The following ATP8B2 variants were observed in gnomAD, a reference collection of about 807,000 sequenced individuals.
ATP8B2 encodes the protein phospholipid-transporting ATPase ID.
In ATP8B2, 70 loss-of-function variants were observed where a neutral mutation model predicts 133.4. That is an observed-to-expected ratio of 0.52 (90% CI 0.43 to 0.64). The LOEUF (loss-of-function observed/expected upper bound fraction) is 0.64. Among genes scored for constraint, ATP8B2 ranks in the 30% least tolerant of loss-of-function variants. ATP8B2 has a pLI of 0.00. For synonymous variants in ATP8B2, 517 were observed against 589.5 expected (o/e 0.88, Z 1.78); for missense variants, 1,101 against 1,535.7 (o/e 0.72, Z 4.73).
chr1:154,330,577 C>G, intron 3 of ATP8B2, 123 bp downstream of exon 3: 1 of 980,878 alleles, frequency 1.0e-6, no homozygotes, highest in Non-Finnish European at 1.6e-6. Context: ...AAGCAACCTC[C>G]TCAGCCACTC....
Position 154,334,510 on chromosome 1 carries a change from C to T in ATP8B2, c.756C>T (p.Asp252=). The T allele has an allele frequency of 6.2e-7, 1 of 1,614,094 alleles. No individual in the cohort carries two copies. Among genetic ancestry groups the T allele is most frequent in the Non-Finnish European group, 8.5e-7 (1 of 1,180,018 alleles). Residue 252 remains aspartate, a synonymous_variant, in exon 11 of 28, where the codon GAC becomes GAT. Transcript: ENST00000368489. The surrounding 1 kb of genome is among the most constrained non-coding windows in gnomAD (Gnocchi z 4.6). ...CFGLVIFAGP[D]TKLMQNSGRT... is the part of the protein sequence containing the mutation. ...CTTCCCATTCTTTTCCAGGTCCCGA[C>T]ACTAAGCTGATGCAAAACAGCGGCA...
intron 1 of ATP8B2, among the ~76,000 whole-genome samples, chr1:154,326,660 A>G (rs1245537707): frequency 6.6e-6 from 1 of 152,188 alleles, no homozygotes; most frequent in East Asian, 1.9e-4. Flanking sequence ...TCAGAGGTAG[A>G]ACAACTTTCC....
chr1:154,329,178 C>A, intron 2 of ATP8B2: 1 of 1,064,600 alleles, frequency 9.4e-7, no homozygotes, highest in Admixed American at 3.7e-5. Flanking sequence ...CCTTGATCCT[C>A]TTTCCAGACC....
Position 154,346,657 on chromosome 1 carries a change from ACTT to A in ATP8B2, c.3067_3069del (p.Phe1023del). The A allele has an allele frequency of 6.2e-7, 1 of 1,614,106 alleles. No homozygotes were observed. Among genetic ancestry groups the A allele is most frequent in the Non-Finnish European group, 8.5e-7 (1 of 1,180,024 alleles). The stretch of plus-strand genomic sequence containing the variant: ...ACAGGCTACTGGACGGCCATCAACC[ACTT>A]CTTCATCTGGGGAAGCCTTGCTGTT... On this transcript the variant is annotated inframe_deletion, in exon 26 of 28. Transcript: ENST00000368489. This position sits in a 1 kb window ranked among gnomAD's most constrained non-coding sequence, Gnocchi z 4.5.
rs1686467160 is a variant in ATP8B2, at chr1:154,343,692, A to G, written c.1758+124A>G. 2 of 1,028,922 alleles carry G rather than the reference A, an allele frequency of 1.9e-6. No individual in the cohort carries two copies. Among genetic ancestry groups the G allele is most frequent in the Non-Finnish European group, 2.9e-6 (2 of 695,268 alleles). 63.7% of individuals were successfully genotyped at this position (1,028,922 alleles called of 1,614,324 possible). Reference sequence around the variant, plus strand: ...ACGTGATGTTTTGATGTGTATATATAGTGAAGTGATTACTACAGTCAGACA... The same window carrying G: ...ACGTGATGTTTTGATGTGTATATATGGTGAAGTGATTACTACAGTCAGACA... On this transcript the variant is annotated intron_variant, in intron 17 of 27. Transcript: ENST00000368489. This position sits in a 1 kb window ranked among gnomAD's most constrained non-coding sequence, Gnocchi z 5.8.
In ATP8B2 at chr1:154,334,155, G is replaced by C; in HGVS notation, c.638G>C (p.Gly213Ala). ...PPNNKLDKFS[G>A]TLYWKENKFP... ...AACAACAAACTGGACAAATTCAGCG[G>C]AACCCTCTACTGGAAGGAAAATAAG... The change falls in exon 10 of 28, where the codon GGA (glycine) becomes GCA (alanine). Residue 213 changes from glycine (G) to alanine (A), a missense_variant. Physicochemically the swap from Gly to Ala is moderately conservative, Grantham distance 60. Transcript: ENST00000368489. The surrounding 1 kb of genome is among the most constrained non-coding windows in gnomAD (Gnocchi z 4.6). 6.2e-7 allele frequency: 1 copy of C among 1,614,222 alleles called. No homozygotes were observed.
chr1:154,328,704 G>A lies in ATP8B2; in HGVS notation c.31+532G>A, dbSNP rs1056392528. The A allele has an allele frequency of 1.4e-5, 12 of 831,428 alleles. No individual in the cohort carries two copies. The highest frequency in any genetic ancestry group is 1.8e-5 in the African/African-American group (1 of 54,492). The allele number at this position is 831,428 out of a possible 1,614,324, so 51.5% of individuals were successfully genotyped here. On this transcript the variant is annotated intron_variant, in intron 2 of 27. Transcript: ENST00000368489. The surrounding 1 kb of genome is among the most constrained non-coding windows in gnomAD (Gnocchi z 4.6). ...CTCCTGCAGTCGGGGAGCGGGCGGG[G>A]GCGGAACCCTGGGCGTGCTCGGCGT...
intron 1 of ATP8B2, among the ~76,000 whole-genome samples, chr1:154,326,525 G>GACTAAGAAGGAAA (rs1685796978): frequency 6.6e-6 from 1 of 152,190 alleles, no homozygotes; most frequent in Non-Finnish European, 1.5e-5. Flanking sequence ...GGCTGTGTGA[G>GACTAAGAAGGAAA]ACTAAGAAGG....
In ATP8B2 at chr1:154,343,083, A is replaced by C; in HGVS notation, c.1454-30A>C. On this transcript the variant is annotated intron_variant, in intron 15 of 27. Coordinates refer to ENST00000368489, the MANE Select transcript of ATP8B2 (RefSeq NM_001370597.1). The surrounding 1 kb of genome is among the most constrained non-coding windows in gnomAD (Gnocchi z 5.8). ...GGCACGTGGCTGAGGGAAGCCACTTATATCACGTGTATTCTTCCTCCCCAC... is the reference window on the plus strand; with the variant it reads ...GGCACGTGGCTGAGGGAAGCCACTTCTATCACGTGTATTCTTCCTCCCCAC... The C allele has an allele frequency of 6.2e-7, 1 of 1,603,556 alleles. No individual in the cohort carries two copies. Among genetic ancestry groups the C allele is most frequent in the Non-Finnish European group, 8.5e-7 (1 of 1,174,046 alleles).
chr1:154,344,089 A>G lies in ATP8B2; in HGVS notation c.1923+32A>G. 2 of 1,614,202 alleles carry G rather than the reference A, an allele frequency of 1.2e-6. No individual in the cohort carries two copies. Among genetic ancestry groups the G allele is most frequent in the Non-Finnish European group, 1.7e-6 (2 of 1,180,010 alleles). On this transcript the variant is annotated intron_variant, in intron 18 of 27. Transcript: ENST00000368489. This position sits in a 1 kb window ranked among gnomAD's most constrained non-coding sequence, Gnocchi z 4.1. ...GCTGCGGGACGGGCCAAGGATGGGC[A>G]CGGAGGGCTCATGCCTGCAATTCTT...
At position 154,348,962 on chromosome 1, in the gene ATP8B2, G is replaced by A. The variant is rs1299580856; in HGVS notation, c.3417G>A (p.Glu1139=). The A allele has an allele frequency of 4.3e-6, 7 of 1,614,268 alleles. No individual in the cohort carries two copies. The highest frequency in any genetic ancestry group is 1.1e-5 in the South Asian group (1 of 91,090). Residue 1139 remains glutamate, a synonymous_variant, in exon 28 of 28, where the codon GAG becomes GAA. Transcript: ENST00000368489. ...YAFSHQEGFG[E]LIMSGKNMRL... Reference sequence around the variant, plus strand: ...TCTCCCATCAGGAGGGCTTCGGGGAGCTCATCATGTCTGGCAAGAACATGC... The same window carrying A: ...TCTCCCATCAGGAGGGCTTCGGGGAACTCATCATGTCTGGCAAGAACATGC...
chr1:154,332,212 T>A (rs1258451455), intron 8 of ATP8B2, among the ~76,000 whole-genome samples, 188 bp downstream of exon 8: 1 of 152,170 alleles, frequency 6.6e-6, no homozygotes, highest in Non-Finnish European at 1.5e-5. Flanking sequence ...TTATGCACCA[T>A]GCTTAGGTGT....
Position 154,328,872 on chromosome 1 carries a change from TG to T in ATP8B2, c.31+704del. The T allele has an allele frequency of 1.7e-6, 2 of 1,186,914 alleles. No homozygotes were observed. The highest frequency in any genetic ancestry group is 2.1e-6 in the Non-Finnish European group (2 of 935,428). 73.5% of individuals were successfully genotyped at this position (1,186,914 alleles called of 1,614,324 possible). A position where few individuals can be genotyped will look rare whatever the true frequency, so the allele number is the denominator to read the frequency against. ...GCGGGTGGGGCGCGCGCCCGACGGCTGGGGCTCCCCTCTGAGCGGCTGCGGC... is the reference window on the plus strand; with the variant it reads ...GCGGGTGGGGCGCGCGCCCGACGGCTGGGCTCCCCTCTGAGCGGCTGCGGC... On this transcript the variant is annotated intron_variant, in intron 2 of 27. Coordinates refer to ENST00000368489, the MANE Select transcript of ATP8B2 (RefSeq NM_001370597.1). The surrounding 1 kb of genome is among the most constrained non-coding windows in gnomAD (Gnocchi z 4.6).
chr1:154,330,476 G>A, intron 3 of ATP8B2, 22 bp downstream of exon 3: 1 of 1,612,114 alleles, frequency 6.2e-7, no homozygotes, highest in African/African-American at 1.3e-5. Context: ...TAGACCACCT[G>A]TTCCCTCTCT....
In ATP8B2 at chr1:154,328,026, G is replaced by A. The variant is rs1570843333; in HGVS notation, c.-37-79G>A. 6 of 1,529,490 alleles carry A rather than the reference G, an allele frequency of 3.9e-6. No homozygotes were observed. The East Asian group carries it at 1.1e-4, about 29-fold the overall frequency. The allele number at this position is 1,529,490 out of a possible 1,614,324, so 94.7% of individuals were successfully genotyped here. A position where few individuals can be genotyped will look rare whatever the true frequency, so the allele number is the denominator to read the frequency against. On this transcript the variant is annotated intron_variant, in intron 1 of 27. Transcript: ENST00000368489. This position sits in a 1 kb window ranked among gnomAD's most constrained non-coding sequence, Gnocchi z 4.6. Reference sequence around the variant, plus strand: ...GGCAGGGTCAGAGCTGGAGAAGAGGGTCTTCAAAAGAGGTCTCATGAGGGG... The same window carrying A: ...GGCAGGGTCAGAGCTGGAGAAGAGGATCTTCAAAAGAGGTCTCATGAGGGG...
At position 154,345,761 on chromosome 1, in the gene ATP8B2, G is replaced by T; in HGVS notation, c.2695-39G>T. 1 of 1,550,772 alleles carries T rather than the reference G, an allele frequency of 6.4e-7. No homozygotes were observed. The highest frequency in any genetic ancestry group is 8.9e-7 in the Non-Finnish European group (1 of 1,122,666). ...CTTCCTGTGCCTGATGTGTAGCAAA[G>T]AAAGGTTGCATGCTCCCTTGCTCCC... is the stretch of plus-strand genomic sequence containing the variant. On this transcript the variant is annotated intron_variant, in intron 23 of 27. Coordinates refer to ENST00000368489, the MANE Select transcript of ATP8B2 (RefSeq NM_001370597.1). This position sits in a 1 kb window ranked among gnomAD's most constrained non-coding sequence, Gnocchi z 5.6.
intron 3 of ATP8B2, 92 bp from the exon 4 acceptor site, chr1:154,330,723 T>C (rs981966466): frequency 9.0e-7 from 1 of 1,108,394 alleles, no homozygotes; most frequent in Non-Finnish European, 1.4e-6. Context: ...GGGGTAGAGG[T>C]CTGGGGAAGT....
chr1:154,344,786 G>A lies in ATP8B2; in HGVS notation c.2286+1G>A. The stretch of plus-strand genomic sequence containing the variant: ...CCTGGTCATAAATGGTCACAGCCTG[G>A]TAGGCATCGCTATCCTTAGCTTGGG... On this transcript the variant is annotated splice_donor_variant, in intron 21 of 27. Coordinates refer to ENST00000368489, the MANE Select transcript of ATP8B2 (RefSeq NM_001370597.1). LOFTEE classifies it high-confidence loss of function. The surrounding 1 kb of genome is among the most constrained non-coding windows in gnomAD (Gnocchi z 4.1). The A allele has an allele frequency of 6.3e-7, 1 of 1,595,450 alleles. No homozygotes were observed. The highest frequency in any genetic ancestry group is 8.6e-7 in the Non-Finnish European group (1 of 1,165,520).
chr1:154,344,312 G>A lies in ATP8B2; in HGVS notation c.2035+58G>A, dbSNP rs990583569. 5 of 1,614,040 alleles carry A rather than the reference G, an allele frequency of 3.1e-6. No homozygotes were observed. The highest frequency in any genetic ancestry group is 3.4e-6 in the Non-Finnish European group (4 of 1,180,014). ...CTGACAGTAGCCCTGTTGGACCCTT[G>A]CATGGAGCCGAGGACATCAGGCAGG... On this transcript the variant is annotated intron_variant, in intron 19 of 27. Coordinates refer to ENST00000368489, the MANE Select transcript of ATP8B2 (RefSeq NM_001370597.1). This position sits in a 1 kb window ranked among gnomAD's most constrained non-coding sequence, Gnocchi z 4.1.
Sources: allele counts gnomAD v4.1 joint callset (sites outside exome capture counted in the v4.1 genomes callset), GRCh38; gene constraint gnomAD v4.1.1; non-coding constraint Gnocchi (gnomAD v3.1); transcripts MANE v1.5; gene names NCBI Gene and HGNC (gene_info 2026-07-23, HGNC 2026-07-21).